Variants in DPYD observed in about 807,000 individuals in gnomAD.
DPYD encodes the protein dihydropyrimidine dehydrogenase [NADP(+)].
Under a neutral mutation model 116.2 loss-of-function variants are expected in DPYD, and 109 were observed. The observed-to-expected ratio is 0.94, with a 90% confidence interval of 0.80 to 1.10. DPYD has a LOEUF of 1.10. DPYD is among the 50% of genes least tolerant of loss of function. The probability of loss-of-function intolerance (pLI) is 0.00; values close to 1 mark genes in which losing one functional copy is unlikely to be tolerated. For missense variants in DPYD, 1,302 were observed against 1,254.5 expected (o/e 1.04, Z -0.57); for synonymous variants, 440 against 432.0 (o/e 1.02, Z -0.23).
At chr1:97,764,648 T>G (rs774056746) in intron 3 of DPYD, among the ~76,000 whole-genome samples, 34 of 152,094 alleles carry the variant, frequency 2.2e-4, no homozygotes, top group Admixed American at 2.2e-3. Flanking sequence ...CTTTAAAGAA[T>G]TTTTAAACTC....
chr1:97,633,672 G>A (rs1274163636), intron 8 of DPYD, among the ~76,000 whole-genome samples: 2 of 152,036 alleles, frequency 1.3e-5, no homozygotes, highest in East Asian at 3.9e-4. Flanking sequence ...AAGAGAAAAG[G>A]TCTAAAATTT....
chr1:97,167,008 G>C (rs906250503), intron 20 of DPYD, among the ~76,000 whole-genome samples: 2 of 152,044 alleles, frequency 1.3e-5, no homozygotes, highest in Non-Finnish European at 2.9e-5. Flanking sequence ...GTATATTAAT[G>C]CTAAATTCAG....
At chr1:97,490,452 C>A (rs115216079) in intron 13 of DPYD, among the ~76,000 whole-genome samples, 2 of 141,988 alleles carry the variant, frequency 1.4e-5, no homozygotes, top group Non-Finnish European at 3.0e-5. Flanking sequence ...TATTATATAA[C>A]GTACTAATTA....
intron 2 of DPYD, among the ~76,000 whole-genome samples, chr1:97,880,159 G>C: frequency 6.6e-6 from 1 of 151,816 alleles, no homozygotes; most frequent in East Asian, 1.9e-4. Flanking sequence ...GATAACCAAT[G>C]TAGTGACTAT....
intron 15 of DPYD, among the ~76,000 whole-genome samples, chr1:97,377,073 T>C (rs926763840): frequency 4.6e-5 from 7 of 151,148 alleles, no homozygotes; most frequent in East Asian, 1.9e-4. Flanking sequence ...ATATTAAAAA[T>C]TAAAAATAAA....
intron 5 of DPYD, among the ~76,000 whole-genome samples, chr1:97,701,500 G>A (rs144846847): frequency 1.1e-3 from 165 of 151,748 alleles, no homozygotes; most frequent in African/African-American, 3.8e-3. Context: ...TCACACAGTT[G>A]CTTGCATTTA....
chr1:97,166,426 G>T (rs1570587645), intron 20 of DPYD, among the ~76,000 whole-genome samples: 1 of 152,032 alleles, frequency 6.6e-6, no homozygotes, highest in African/African-American at 2.4e-5. Context: ...AGTGAGGGGT[G>T]GGAGAAAACA....
chr1:97,146,194 C>T (rs1654617066), intron 20 of DPYD, among the ~76,000 whole-genome samples: 1 of 152,064 alleles, frequency 6.6e-6, no homozygotes, highest in South Asian at 2.1e-4. Context: ...TAATCTATCC[C>T]AGTTCTATAA....
intron 8 of DPYD, among the ~76,000 whole-genome samples, chr1:97,598,165 G>T (rs1355130804): frequency 6.6e-6 from 1 of 152,018 alleles, no homozygotes; most frequent in East Asian, 1.9e-4. Flanking sequence ...TAAAAATAAA[G>T]TATTAAACCT....
At chr1:97,752,164 T>C (rs562710862) in intron 3 of DPYD, among the ~76,000 whole-genome samples, 1 of 152,112 alleles carries the variant, frequency 6.6e-6, no homozygotes, top group Non-Finnish European at 1.5e-5. Flanking sequence ...AATGTCCATA[T>C]ATGAATTGTC....
chr1:97,557,815 C>A (rs1651855970), intron 11 of DPYD, among the ~76,000 whole-genome samples: 2 of 152,150 alleles, frequency 1.3e-5, no homozygotes, highest in South Asian at 2.1e-4. Context: ...AATCAATCAG[C>A]ACTTATGGAT....
intron 12 of DPYD, among the ~76,000 whole-genome samples, chr1:97,522,759 G>A (rs953163535): frequency 6.6e-6 from 1 of 151,210 alleles, no homozygotes; most frequent in African/African-American, 2.4e-5. Context: ...ACTTATTCTT[G>A]AAGGCAATTC....
intron 14 of DPYD, among the ~76,000 whole-genome samples, chr1:97,385,201 A>C (rs1478834525): frequency 6.8e-6 from 1 of 148,102 alleles, no homozygotes; most frequent in South Asian, 2.3e-4. Context: ...AGTTAGAAAA[A>C]AGATCAGGGA....
intron 3 of DPYD, among the ~76,000 whole-genome samples, chr1:97,819,048 T>C (rs945451153): frequency 6.6e-6 from 1 of 152,044 alleles, no homozygotes; most frequent in South Asian, 2.1e-4. Context: ...TCATGCACTT[T>C]TGTCTTTTGA....
chr1:97,819,433 G>C (rs537677609), intron 3 of DPYD, among the ~76,000 whole-genome samples: 1 of 151,650 alleles, frequency 6.6e-6, no homozygotes, highest in Non-Finnish European at 1.5e-5. Context: ...TGATTATAAA[G>C]GAATTTGTTT....
chr1:97,257,347 AT>A (rs1663551025), intron 18 of DPYD, among the ~76,000 whole-genome samples: 1 of 151,416 alleles, frequency 6.6e-6, no homozygotes. Flanking sequence ...TGAGACCTAT[AT>A]TTTTATAAGT....
chr1:97,888,692 C>A (rs1224314699), intron 1 of DPYD, among the ~76,000 whole-genome samples: 2 of 151,330 alleles, frequency 1.3e-5, no homozygotes, highest in African/African-American at 4.9e-5. Context: ...TTCTCATTAA[C>A]AACCAGAGAG....
chr1:97,861,085 T>C (rs1671089508), intron 2 of DPYD, among the ~76,000 whole-genome samples: 1 of 152,004 alleles, frequency 6.6e-6, no homozygotes, highest in Non-Finnish European at 1.5e-5. Context: ...GACAATTTAC[T>C]AGTATCACAG....
chr1:97,388,911 T>C (rs1466993670), intron 14 of DPYD, among the ~76,000 whole-genome samples: 1 of 151,942 alleles, frequency 6.6e-6, no homozygotes, highest in Non-Finnish European at 1.5e-5. Context: ...GTGGAGAAAG[T>C]GGGCTTTAAG....
Sources: gnomAD v4.1 joint callset for allele counts (sites outside exome capture counted in the v4.1 genomes callset) on GRCh38, gnomAD v4.1.1 for gene constraint, MANE v1.5 for transcripts, NCBI Gene and HGNC (gene_info 2026-07-23, HGNC 2026-07-21) for gene names.